RWDD2B: variants seen among roughly 807,000 people sequenced by gnomAD.
RWDD2B encodes RWD domain containing 2B.
Under a neutral mutation model 33.6 loss-of-function variants are expected in RWDD2B, and 36 were observed. The ratio of observed to expected loss-of-function variants is 1.07; its 90% CI spans 0.82 to 1.42. RWDD2B has a LOEUF of 1.42. Among genes scored for constraint, RWDD2B ranks in the 40% most tolerant of loss-of-function variants. RWDD2B has a pLI of 0.00. For missense variants in RWDD2B, 364 were observed against 377.5 expected (o/e 0.96, Z 0.30); for synonymous variants, 126 against 133.1 (o/e 0.95, Z 0.37).
chr21:29,016,430 A>G (rs1485410731), intron 1 of RWDD2B, among the ~76,000 whole-genome samples: 2 of 152,048 alleles, frequency 1.3e-5, no homozygotes, highest in African/African-American at 4.8e-5. Context: ...ACACCCAGCT[A>G]ATTTTTTGTA....
intron 1 of RWDD2B, among the ~76,000 whole-genome samples, chr21:29,011,577 G>A (rs1198473547): frequency 2.7e-5 from 4 of 147,834 alleles, no homozygotes; most frequent in Non-Finnish European, 4.5e-5. Context: ...CGCCCCTTCC[G>A]GGAGGGAGGT....
At chr21:29,014,534 C>T (rs1291840653) in intron 1 of RWDD2B, among the ~76,000 whole-genome samples, 1 of 152,168 alleles carries the variant, frequency 6.6e-6, no homozygotes, top group African/African-American at 2.4e-5. Flanking sequence ...TAAAATAGGT[C>T]TAAATGGCCT....
intron 1 of RWDD2B, among the ~76,000 whole-genome samples, chr21:29,010,133 T>G (rs1254052286): frequency 2.0e-5 from 3 of 152,174 alleles, no homozygotes; most frequent in African/African-American, 7.2e-5. Context: ...TATAGTATGG[T>G]AAACTGAATA....
Position 29,008,597 on chromosome 21 carries a change from A to G in RWDD2B, c.92T>C (p.Ile31Thr), listed in dbSNP as rs1470521646. ...AQETYTCPKM[I>T]EMEQAEAQLA... ...CTGGGCCTCCGCCTGCTCCATCTCA[A>G]TCATTTTTGGACATGTGTAAGTTTC... is the stretch of plus-strand genomic sequence containing the variant. Residue 31 changes from isoleucine (I) to threonine (T), a missense_variant, in exon 2 of 5, where the codon ATT (isoleucine) becomes ACT (threonine). Ile to Thr is a moderately conservative substitution (Grantham distance 89, BLOSUM62 -1). Transcript: ENST00000493196. 1.2e-5 allele frequency: 20 copies of G among 1,613,370 alleles called. No homozygotes were observed. The highest frequency in any genetic ancestry group is 2.2e-5 in the South Asian group (2 of 90,984).
intron 1 of RWDD2B, among the ~76,000 whole-genome samples, chr21:29,015,529 T>C (rs1483442047): frequency 7.6e-6 from 1 of 130,836 alleles, no homozygotes. Context: ...ACACCTAGTC[T>C]TTTTTTTTTT....
In RWDD2B at chr21:29,014,729, G is replaced by A. The variant is rs562417240; in HGVS notation, c.67+4482C>T. 3.3e-4 allele frequency among the ~76,000 whole-genome samples: 51 copies of A among 152,298 alleles called. No homozygotes were observed. The South Asian group carries it at 6.0e-3, about 18-fold the overall frequency. On this transcript the variant is annotated intron_variant, in intron 1 of 4. Transcript: ENST00000493196. ...CCAGCTACTCAGGAGGCTGAGGCAG[G>A]AGAATGGCGTGAACCCAGGAGGCAG...
At chr21:29,013,074 T>C (rs1033900501) in intron 1 of RWDD2B, among the ~76,000 whole-genome samples, 1 of 146,576 alleles carries the variant, frequency 6.8e-6, no homozygotes, top group Admixed American at 7.0e-5. Context: ...TGAGACAGAG[T>C]CTCACTCTGT....
chr21:29,015,357 C>G (rs8134668), intron 1 of RWDD2B, among the ~76,000 whole-genome samples: 5 of 150,826 alleles, frequency 3.3e-5, no homozygotes, highest in African/African-American at 1.2e-4. Context: ...CAGCCTCCTG[C>G]GTAGCTGGGA....
Position 29,012,362 on chromosome 21 carries a change from C to T in RWDD2B, c.68-3741G>A, listed in dbSNP as rs577144301. Among the ~76,000 whole-genome samples the T allele has an allele frequency of 7.2e-3, 1,091 of 152,174 alleles. 11 individuals are homozygous for T. Among genetic ancestry groups the T allele is most frequent in the African/African-American group, 0.025 (1,034 of 41,510 alleles). On this transcript the variant is annotated intron_variant, in intron 1 of 4. Transcript: ENST00000493196. ...AAAGGTGGGGAAAAGATTGAGAAAT[C>T]GGATGGTTGCTGTGTCTGTGTAGAA...
intron 1 of RWDD2B, among the ~76,000 whole-genome samples, chr21:29,016,404 A>G (rs2084890367): frequency 6.6e-6 from 1 of 152,174 alleles, no homozygotes; most frequent in Non-Finnish European, 1.5e-5. Flanking sequence ...AGCTAGGATT[A>G]CAGGCATGCG....
At chr21:29,011,934 G>A (rs2084864177) in intron 1 of RWDD2B, among the ~76,000 whole-genome samples, 1 of 126,128 alleles carries the variant, frequency 7.9e-6, no homozygotes, top group Non-Finnish European at 1.7e-5. Flanking sequence ...CCATCCGGGA[G>A]GGAGGTGGGG....
At position 29,005,056 on chromosome 21, in the gene RWDD2B, C is replaced by T. The variant is rs763534016; in HGVS notation, c.*1361G>A. 6.6e-6 allele frequency: 1 copy of T among 152,156 alleles called. No homozygotes were observed. The highest frequency in any genetic ancestry group is 2.4e-5 in the African/African-American group (1 of 41,432). The allele number at this position is 152,156 out of a possible 1,614,324, so 9.4% of individuals were successfully genotyped here. On this transcript the variant is annotated 3_prime_UTR_variant, in exon 5 of 5. Transcript: ENST00000493196. ...CTAGCAAATTAGCAAATAATAAATG[C>T]TTTTGGAACTAACTGGTTTATGGAG...
chr21:29,008,690 T>A (rs1245149102), intron 1 of RWDD2B, 69 bp from the exon 2 acceptor site: 1 of 953,254 alleles, frequency 1.0e-6, no homozygotes, highest in Non-Finnish European at 1.6e-6. Flanking sequence ...CATCAACATG[T>A]GTACTTACTA....
chr21:29,008,103 G>GATCT lies in RWDD2B; in HGVS notation c.379_382dup (p.Ser128Ter). On this transcript the variant is annotated stop_gained and frameshift_variant, in exon 4 of 5. Coordinates refer to ENST00000493196, the MANE Select transcript of RWDD2B (RefSeq NM_016940.3). LOFTEE classifies it high-confidence loss of function. ...ATCTGTGTTCAGCTGAGTCTGCTGG[G>GATCT]ATCTACTCAATAATACTGATCTAAT... is the stretch of plus-strand genomic sequence containing the variant. The GATCT allele has an allele frequency of 6.2e-7, 1 of 1,613,644 alleles. No individual in the cohort carries two copies. Among genetic ancestry groups the GATCT allele is most frequent in the South Asian group, 1.1e-5 (1 of 91,068 alleles).
Position 29,008,396 on chromosome 21 carries a change from A to G in RWDD2B, c.293T>C (p.Met98Thr). The part of the protein sequence containing the change: ...NMNLDVSDEK[M>T]AMFSLACILP... ...CCTCTAAAAGCAAAACTGAATTACC[A>G]TTTTTTCGTCAGATACATCCAGGTT... The change falls in exon 2 of 5, where the codon ATG becomes ACG. Residue 98 changes from methionine to threonine, a missense_variant and splice_region_variant. By Grantham distance (81) the Met-to-Thr change is moderately conservative. Coordinates refer to ENST00000493196, the MANE Select transcript of RWDD2B (RefSeq NM_016940.3). 1 of 1,613,928 alleles carries G rather than the reference A, an allele frequency of 6.2e-7. No homozygotes were observed. Among genetic ancestry groups the G allele is most frequent in the African/African-American group, 1.3e-5 (1 of 75,010 alleles).
At chr21:29,006,770 G>T in intron 4 of RWDD2B, 119 bp from the exon 5 acceptor site, 1 of 652,332 alleles carries the variant, frequency 1.5e-6, no homozygotes, top group Non-Finnish European at 2.6e-6. Context: ...TTTTTAAAAT[G>T]TTTATAACTT....
chr21:29,006,529 C>G lies in RWDD2B; in HGVS notation c.848G>C (p.Ser283Thr), dbSNP rs1377452380. 3.7e-6 allele frequency: 6 copies of G among 1,613,048 alleles called. No homozygotes were observed. The highest frequency in any genetic ancestry group is 5.1e-6 in the Non-Finnish European group (6 of 1,179,426). The change falls in exon 5 of 5, where the codon AGT (serine) becomes ACT (threonine). Residue 283 changes from serine (S) to threonine (T), a missense_variant. Physicochemically the swap from Ser to Thr is moderately conservative, Grantham distance 58 (BLOSUM62 1). Coordinates refer to ENST00000493196, the MANE Select transcript of RWDD2B (RefSeq NM_016940.3). ...KFSIFEEKVF[S>T]VNGARGNHMD... The stretch of plus-strand genomic sequence containing the variant: ...GTGGTTTCCCCTGGCTCCATTAACA[C>G]TGAACACTTTTTCTTCAAAAATGGA...
chr21:29,012,662 G>A (rs1055467403), intron 1 of RWDD2B, among the ~76,000 whole-genome samples: 4 of 151,860 alleles, frequency 2.6e-5, no homozygotes, highest in Non-Finnish European at 4.4e-5. Flanking sequence ...CTCTGCCTAG[G>A]AAAACCAGAG....
At chr21:29,009,180 C>A (rs2084844578) in intron 1 of RWDD2B, among the ~76,000 whole-genome samples, 1 of 152,000 alleles carries the variant, frequency 6.6e-6, no homozygotes, top group Non-Finnish European at 1.5e-5. Flanking sequence ...CTCAACCTCC[C>A]ACGCCCAAGC....
Sources: allele counts gnomAD v4.1 joint callset (sites outside exome capture counted in the v4.1 genomes callset), GRCh38; gene constraint gnomAD v4.1.1; transcripts MANE v1.5; gene names NCBI Gene and HGNC (gene_info 2026-07-23, HGNC 2026-07-21).